Variants in CRISPLD1 observed in about 807,000 individuals in gnomAD.
CRISPLD1 encodes cysteine-rich secretory protein LCCL domain-containing 1.
CRISPLD1 carries 60 observed loss-of-function variants against 77.5 expected under a neutral mutation model. That is an observed-to-expected ratio of 0.77 (90% CI 0.63 to 0.96). The LOEUF is 0.96. Ranked by LOEUF, CRISPLD1 falls within the 40% of genes least tolerant of loss-of-function variation. CRISPLD1 has a pLI of 0.00. For synonymous variants in CRISPLD1, 195 were observed against 200.1 expected (o/e 0.97, Z 0.22); for missense variants, 623 against 615.8 (o/e 1.01, Z -0.12).
chr8:74,993,215 A>G (rs1563607332), intron 2 of CRISPLD1, among the ~76,000 whole-genome samples: 2 of 152,186 alleles, frequency 1.3e-5, no homozygotes, highest in South Asian at 2.1e-4. Context: ...TTTTATTGCA[A>G]TTAAGGTTTA....
chr8:75,007,694 A>G (rs111929373), intron 2 of CRISPLD1, among the ~76,000 whole-genome samples: 9,592 of 133,096 alleles, frequency 0.072, 385 homozygotes, highest in South Asian at 0.085. Flanking sequence ...TTTTAAAGAG[A>G]CAAGTTCTTA....
At position 75,032,517 on chromosome 8, in the gene CRISPLD1, T is replaced by C. The variant is rs1022618544; in HGVS notation, c.*275T>C. 7 of 272,472 alleles carry C rather than the reference T, an allele frequency of 2.6e-5. No individual in the cohort carries two copies. Among genetic ancestry groups the C allele is most frequent in the African/African-American group, 6.6e-5 (3 of 45,386 alleles). The allele number at this position is 272,472 out of a possible 1,614,324, so 16.9% of individuals were successfully genotyped here. ...ATTTCTACAGTTAATTACATAGTCA[T>C]GATTGTTCTACGTTTCATATATTAT... On this transcript the variant is annotated 3_prime_UTR_variant, in exon 15 of 15. Transcript: ENST00000262207.
intron 2 of CRISPLD1, among the ~76,000 whole-genome samples, chr8:74,990,284 TAA>T (rs765348009): frequency 2.1e-5 from 3 of 143,124 alleles, no homozygotes; most frequent in Non-Finnish European, 3.1e-5. Flanking sequence ...TAAGTCTATT[TAA>T]AAAAAAAAAA....
chr8:75,014,703 C>A, intron 5 of CRISPLD1, 109 bp from the exon 6 acceptor site: 1 of 684,694 alleles, frequency 1.5e-6, no homozygotes, highest in Non-Finnish European at 2.4e-6. Flanking sequence ...TGTCTTAAAT[C>A]TATACGCCAA....
At chr8:74,985,099 G>C (rs993566779) in intron 1 of CRISPLD1, among the ~76,000 whole-genome samples, 179 bp downstream of exon 1, 2 of 151,946 alleles carry the variant, frequency 1.3e-5, no homozygotes, top group Non-Finnish European at 2.9e-5. Flanking sequence ...GGGAGCTCTA[G>C]TTCTTGTAAG....
At position 74,999,700 on chromosome 8, in the gene CRISPLD1, A is replaced by G. The variant is rs139347546; in HGVS notation, c.259-12733A>G. The stretch of plus-strand genomic sequence containing the variant: ...TTCTTTATTTTCTCCCTCCTCAACT[A>G]TCACATTCGCCTCCCTTTTTATAAG... On this transcript the variant is annotated intron_variant, in intron 2 of 14. Coordinates refer to ENST00000262207, the MANE Select transcript of CRISPLD1 (RefSeq NM_031461.6). 8.9e-4 allele frequency among the ~76,000 whole-genome samples: 136 copies of G among 152,078 alleles called. 1 individual carries two copies. The highest frequency in any genetic ancestry group is 1.6e-3 in the Non-Finnish European group (109 of 67,986).
chr8:75,013,951 C>G, intron 4 of CRISPLD1, 36 bp from the exon 5 acceptor site: 1 of 1,387,534 alleles, frequency 7.2e-7, no homozygotes, highest in Non-Finnish European at 1.0e-6. Flanking sequence ...TTCATTTCAG[C>G]CTGCTTTTTC....
At chr8:74,991,369 C>A (rs1289558390) in intron 2 of CRISPLD1, among the ~76,000 whole-genome samples, 20 of 152,112 alleles carry the variant, frequency 1.3e-4, no homozygotes. Flanking sequence ...TCAAACCAAT[C>A]TGCGCTGGTT....
intron 1 of CRISPLD1, among the ~76,000 whole-genome samples, chr8:74,985,685 CA>C (rs34824305): frequency 0.091 from 13,784 of 151,952 alleles, 673 homozygotes; most frequent in Non-Finnish European, 0.11. Context: ...CTTTTGGCCT[CA>C]GGGGTATTAT....
chr8:75,016,208 A>C (rs923604506), intron 6 of CRISPLD1, among the ~76,000 whole-genome samples: 2 of 152,214 alleles, frequency 1.3e-5, no homozygotes, highest in African/African-American at 4.8e-5. Flanking sequence ...ATTTTAATTG[A>C]AAACAAATTT....
rs1351543077 is a variant in CRISPLD1 at position 75,028,776 on chromosome 8, T to TA, written c.1321-611_1321-610insA. Among the ~76,000 whole-genome samples the TA allele has an allele frequency of 2.8e-4, 42 of 152,180 alleles. 1 individual carries two copies. The highest frequency in any genetic ancestry group is 4.7e-4 in the Non-Finnish European group (32 of 68,024). Reference sequence around the variant, plus strand: ...AAACTAAGTTGACAGGCATTACAAATCTAGGTAGAAGCTATGATGATTCTT... The same window carrying TA: ...AAACTAAGTTGACAGGCATTACAAATACTAGGTAGAAGCTATGATGATTCTT... On this transcript the variant is annotated intron_variant, in intron 13 of 14. Coordinates refer to ENST00000262207, the MANE Select transcript of CRISPLD1 (RefSeq NM_031461.6).
intron 5 of CRISPLD1, 77 bp downstream of exon 5, chr8:75,014,179 C>T (rs187838164): frequency 3.2e-6 from 3 of 925,836 alleles, no homozygotes; most frequent in African/African-American, 1.6e-5. Context: ...CCTGATTGTT[C>T]CCCATTTTCA....
chr8:74,986,333 AT>A, intron 2 of CRISPLD1, 88 bp downstream of exon 2: 1 of 1,304,844 alleles, frequency 7.7e-7, no homozygotes, highest in Non-Finnish European at 1.1e-6. Context: ...TTAATCATTT[AT>A]TTTATATGAA....
At chr8:75,031,191 A>C (rs190075120) in intron 14 of CRISPLD1, among the ~76,000 whole-genome samples, 7 of 152,160 alleles carry the variant, frequency 4.6e-5, no homozygotes, top group Admixed American at 6.6e-5. Context: ...ATGTGTGTAT[A>C]TGTTGTGTGT....
chr8:75,028,237 C>G (rs552384844), intron 13 of CRISPLD1, among the ~76,000 whole-genome samples: 1 of 152,114 alleles, frequency 6.6e-6, no homozygotes, highest in Admixed American at 6.5e-5. Flanking sequence ...TTTTGCGATA[C>G]AGCAAAAGCA....
At chr8:75,001,428 AATGCCAAGACTCTTG>A (rs1812739363) in intron 2 of CRISPLD1, among the ~76,000 whole-genome samples, 1 of 152,178 alleles carries the variant, frequency 6.6e-6, no homozygotes, top group Non-Finnish European at 1.5e-5. Flanking sequence ...CAGTGATCAG[AATGCCAAGACTCTTG>A]ATGAACTGTT....
At chr8:74,992,719 T>G (rs1480822352) in intron 2 of CRISPLD1, among the ~76,000 whole-genome samples, 1 of 152,136 alleles carries the variant, frequency 6.6e-6, no homozygotes, top group Non-Finnish European at 1.5e-5. Flanking sequence ...AACCTTCTCA[T>G]GACACTTTTC....
At chr8:75,001,907 C>T (rs980663898) in intron 2 of CRISPLD1, among the ~76,000 whole-genome samples, 5 of 152,084 alleles carry the variant, frequency 3.3e-5, no homozygotes, top group Non-Finnish European at 5.9e-5. Flanking sequence ...CTTTTTAAAG[C>T]GAAACATTTA....
Position 75,016,568 on chromosome 8 carries a change from G to T in CRISPLD1, c.731G>T (p.Gly244Val), listed in dbSNP as rs778014666. ...GCRENLCYKE[G>V]SDRYYPPREE... ...CTAAATCTGCTTTCTCTAACAGAAG[G>T]GTCAGACAGGTATTATCCCCCTCGA... The change falls in exon 7 of 15, where the codon GGG (glycine) becomes GTG (valine). Residue 244 changes from glycine (G) to valine (V), a missense_variant. By Grantham distance (109) the Gly-to-Val change is moderately radical. Transcript: ENST00000262207. 1 of 1,609,828 alleles carries T rather than the reference G, an allele frequency of 6.2e-7. No individual in the cohort carries two copies. Among genetic ancestry groups the T allele is most frequent in the South Asian group, 1.1e-5 (1 of 90,500 alleles).
Sources: gnomAD v4.1 joint callset for allele counts (sites outside exome capture counted in the v4.1 genomes callset) on GRCh38, gnomAD v4.1.1 for gene constraint, MANE v1.5 for transcripts, NCBI Gene and HGNC (gene_info 2026-07-23, HGNC 2026-07-21) for gene names.